The following RAD51B variants were observed in gnomAD, a reference collection of about 807,000 sequenced individuals.
RAD51B encodes the protein DNA repair protein RAD51 homolog 2.
Under a neutral mutation model 42.2 loss-of-function variants are expected in RAD51B, and 38 were observed. The observed-to-expected ratio is 0.90, with a 90% CI of 0.70 to 1.18. The LOEUF (loss-of-function observed/expected upper bound fraction) is 1.18. RAD51B is among the 50% of genes most tolerant of loss of function. RAD51B has a pLI of 0.00. For synonymous variants in RAD51B, 154 were observed against 145.2 expected (o/e 1.06, Z -0.43); for missense variants, 373 against 400.7 (o/e 0.93, Z 0.59).
At chr14:68,239,628 C>T (rs562798223) in intron 7 of RAD51B, among the ~76,000 whole-genome samples, 4 of 152,064 alleles carry the variant, frequency 2.6e-5, no homozygotes, top group African/African-American at 9.7e-5. Flanking sequence ...TTCTTCCACT[C>T]ACCTATCTCA....
intron 3 of RAD51B, among the ~76,000 whole-genome samples, chr14:67,833,843 A>G (rs1027673726): frequency 1.3e-5 from 2 of 152,180 alleles, no homozygotes; most frequent in African/African-American, 4.8e-5. Flanking sequence ...CCCCACTACT[A>G]TTACCTTCTT....
At chr14:68,372,353 G>A (rs1208855170) in intron 8 of RAD51B, among the ~76,000 whole-genome samples, 1 of 152,006 alleles carries the variant, frequency 6.6e-6, no homozygotes, top group East Asian at 1.9e-4. Flanking sequence ...AGTCAAAGGA[G>A]GTTTTTTTTT....
chr14:68,609,962 G>A (rs969402911), intron 10 of RAD51B, among the ~76,000 whole-genome samples: 6 of 151,776 alleles, frequency 4.0e-5, no homozygotes, highest in Non-Finnish European at 7.4e-5. Context: ...TCTGCTGGCC[G>A]GGCCTCCTCT....
intron 8 of RAD51B, among the ~76,000 whole-genome samples, chr14:68,312,556 T>C (rs191651705): frequency 6.6e-6 from 1 of 152,100 alleles, no homozygotes; most frequent in East Asian, 1.9e-4. Context: ...AGCTGGACTT[T>C]CAAGGAAAAA....
chr14:68,374,607 T>TA (rs1566841243), intron 8 of RAD51B, among the ~76,000 whole-genome samples: 43 of 152,106 alleles, frequency 2.8e-4, no homozygotes, highest in African/African-American at 1.0e-3. Context: ...CCTGTGGTCC[T>TA]GGTGGGGTTA....
At chr14:68,561,722 G>A (rs1014533395) in intron 10 of RAD51B, among the ~76,000 whole-genome samples, 1 of 152,168 alleles carries the variant, frequency 6.6e-6, no homozygotes, top group Non-Finnish European at 1.5e-5. Flanking sequence ...CAAGCCAGAG[G>A]GAGCAGGCCC....
chr14:68,368,589 T>G (rs1196510092), intron 8 of RAD51B, among the ~76,000 whole-genome samples: 1 of 152,340 alleles, frequency 6.6e-6, no homozygotes, highest in Non-Finnish European at 1.5e-5. Flanking sequence ...CCGCTTGGAC[T>G]GCTGTAATGG....
chr14:68,200,411 T>C (rs1176058246), intron 7 of RAD51B, among the ~76,000 whole-genome samples: 1 of 152,210 alleles, frequency 6.6e-6, no homozygotes, highest in Non-Finnish European at 1.5e-5. Flanking sequence ...TTTAAAGTAT[T>C]ACCCACTAAA....
chr14:68,674,199 A>G (rs1893255278), intron 11 of RAD51B, among the ~76,000 whole-genome samples: 1 of 152,112 alleles, frequency 6.6e-6, no homozygotes, highest in Admixed American at 6.5e-5. Context: ...TCACATACAC[A>G]CATATACATA....
chr14:68,440,583 A>G (rs2085261636), intron 9 of RAD51B, among the ~76,000 whole-genome samples: 1 of 151,978 alleles, frequency 6.6e-6, no homozygotes, highest in Admixed American at 6.6e-5. Context: ...CGTCTCTACT[A>G]AAAAATACAA....
chr14:67,972,053 G>C (rs1323478963), intron 7 of RAD51B, among the ~76,000 whole-genome samples: 1 of 150,144 alleles, frequency 6.7e-6, no homozygotes, highest in Non-Finnish European at 1.5e-5. Flanking sequence ...TGAGTGCCTT[G>C]TACGTGTTCT....
At chr14:68,158,063 A>C (rs185597068) in intron 7 of RAD51B, among the ~76,000 whole-genome samples, 229 of 152,322 alleles carry the variant, frequency 1.5e-3, no homozygotes, top group Non-Finnish European at 2.3e-3. Flanking sequence ...AATAGGCCAC[A>C]TTCAGGGAGA....
intron 4 of RAD51B, among the ~76,000 whole-genome samples, chr14:67,860,799 G>A (rs2042139140): frequency 6.6e-6 from 1 of 152,198 alleles, no homozygotes; most frequent in Non-Finnish European, 1.5e-5. Flanking sequence ...CAACTTTTCT[G>A]TTGCATCATC....
chr14:68,000,488 C>A (rs978226314), intron 7 of RAD51B, among the ~76,000 whole-genome samples: 1 of 152,110 alleles, frequency 6.6e-6, no homozygotes, highest in Non-Finnish European at 1.5e-5. Context: ...TTCTACATAT[C>A]TTTTACTAGG....
At chr14:68,563,658 CG>C (rs565817295) in intron 10 of RAD51B, 1,294 of 985,380 alleles carry the variant, frequency 1.3e-3, no homozygotes, top group Non-Finnish European at 1.5e-3. Flanking sequence ...GGTCATGCTT[CG>C]GGGGAAGGGC....
rs12892777 is a variant in RAD51B at position 68,312,196 on chromosome 14, T to A, written c.853+20216T>A. 1.7e-3 allele frequency among the ~76,000 whole-genome samples: 264 copies of A among 152,014 alleles called. 1 individual carries two copies. Among genetic ancestry groups the A allele is most frequent in the South Asian group, 2.7e-3 (13 of 4,822 alleles). ...AAGTTATAAACAGAGAAGCTGTTTC[T>A]GATTGTGAAGATTGGCTCAGCCTGC... is the stretch of plus-strand genomic sequence containing the variant. On this transcript the variant is annotated intron_variant, in intron 8 of 10. Coordinates refer to ENST00000471583, the MANE Select transcript of RAD51B (RefSeq NM_133510.4).
At chr14:68,169,275 CAG>C (rs1476255247) in intron 7 of RAD51B, among the ~76,000 whole-genome samples, 1 of 152,102 alleles carries the variant, frequency 6.6e-6, no homozygotes, top group Non-Finnish European at 1.5e-5. Context: ...GTACCCAGAC[CAG>C]AGTCATATTC....
intron 9 of RAD51B, among the ~76,000 whole-genome samples, chr14:68,459,879 C>T (rs1286726921): frequency 6.6e-6 from 1 of 152,200 alleles, no homozygotes; most frequent in African/African-American, 2.4e-5. Context: ...GGTCATTTCA[C>T]TCTTCCTTTC....
chr14:68,271,120 A>G (rs909563835), intron 7 of RAD51B, among the ~76,000 whole-genome samples: 3 of 152,296 alleles, frequency 2.0e-5, no homozygotes, highest in East Asian at 3.9e-4. Flanking sequence ...TTTGTTTCCC[A>G]TAGTAATGAT....
Sources: allele counts gnomAD v4.1 joint callset (sites outside exome capture counted in the v4.1 genomes callset), GRCh38; gene constraint gnomAD v4.1.1; transcripts MANE v1.5; gene names NCBI Gene and HGNC (gene_info 2026-07-23, HGNC 2026-07-21).